The following ARHGAP32 variants were observed in gnomAD, a reference collection of about 807,000 sequenced individuals.
The protein encoded by ARHGAP32 is rho GTPase-activating protein 32.
ARHGAP32 carries 51 observed loss-of-function variants against 186.5 expected under a neutral mutation model. The observed-to-expected ratio is 0.27, with a 90% CI of 0.22 to 0.35. The LOEUF (loss-of-function observed/expected upper bound fraction) is 0.35, where lower values mean the gene tolerates loss of function less well. Ranked by LOEUF, ARHGAP32 falls within the 10% of genes least tolerant of loss-of-function variation. The probability of loss-of-function intolerance (pLI) is 1.00; values close to 1 mark genes in which losing one functional copy is unlikely to be tolerated. For synonymous variants in ARHGAP32, 950 were observed against 964.3 expected, an observed-to-expected ratio of 0.99 and a Z score of 0.27; for missense variants, 2,186 against 2,623.5, an observed-to-expected ratio of 0.83 and a Z score of 3.64.
chr11:129,001,492 C>T (rs1011413995), intron 11 of ARHGAP32, among the ~76,000 whole-genome samples: 2 of 152,124 alleles, frequency 1.3e-5, no homozygotes, highest in African/African-American at 2.4e-5. Flanking sequence ...GTATGAGCTA[C>T]TTATATATTC....
chr11:129,272,863 T>C (rs192967179), intron 1 of ARHGAP32, among the ~76,000 whole-genome samples: 32 of 152,356 alleles, frequency 2.1e-4, no homozygotes, highest in African/African-American at 7.5e-4. Flanking sequence ...GGGTTATCCG[T>C]TGATTGCATT....
chr11:129,050,825 T>G (rs561857788), intron 10 of ARHGAP32, among the ~76,000 whole-genome samples: 1 of 152,186 alleles, frequency 6.6e-6, no homozygotes, highest in Non-Finnish European at 1.5e-5. Flanking sequence ...CCATGTGTGA[T>G]GCTCCCATCC....
At chr11:129,062,750 G>A (rs1026723848) in intron 9 of ARHGAP32, among the ~76,000 whole-genome samples, 12 of 152,114 alleles carry the variant, frequency 7.9e-5, no homozygotes, top group Non-Finnish European at 1.8e-4. Flanking sequence ...TTTAGAAACA[G>A]TAACAGATTC....
intron 1 of ARHGAP32, among the ~76,000 whole-genome samples, chr11:129,253,032 A>C (rs940858515): frequency 2.0e-5 from 3 of 152,166 alleles, no homozygotes; most frequent in Non-Finnish European, 2.9e-5. Context: ...TGGAGAGAGA[A>C]TATCTTTCAC....
At chr11:129,207,900 A>G (rs1034614061) in intron 1 of ARHGAP32, among the ~76,000 whole-genome samples, 2 of 152,194 alleles carry the variant, frequency 1.3e-5, no homozygotes, top group African/African-American at 4.8e-5. Flanking sequence ...TGGCACATTT[A>G]GAGGTTTTGA....
intron 11 of ARHGAP32, chr11:129,024,239 A>C (rs1938733350): frequency 7.6e-6 from 7 of 926,620 alleles, no homozygotes; most frequent in Non-Finnish European, 9.0e-6. Flanking sequence ...CTTGCAGAAC[A>C]GGCTTCACCA....
chr11:129,144,918 G>A (rs1943137475), intron 2 of ARHGAP32, among the ~76,000 whole-genome samples: 1 of 152,130 alleles, frequency 6.6e-6, no homozygotes, highest in Admixed American at 6.5e-5. Flanking sequence ...AAAACTATTA[G>A]AAAGCACCAT....
At position 128,984,795 on chromosome 11, in the gene ARHGAP32, AATAGTGTGCAGAAG is replaced by A. The variant is rs201121730; in HGVS notation, c.1526+1194_1526+1207del. Among the ~76,000 whole-genome samples the A allele has an allele frequency of 4.8e-3, 732 of 152,292 alleles. 6 individuals are homozygous for A. The East Asian group carries it at 0.054, about 11-fold the overall frequency. ...ATAAGTATCTATAGTCAAGCTATAA[AATAGTGTGCAGAAG>A]ATATAAAACATATATGCAGTGTATA... On this transcript the variant is annotated intron_variant, in intron 15 of 22. Transcript: ENST00000682385.
chr11:129,193,569 AATAT>A (rs1167668157), upstream of ARHGAP32, among the ~76,000 whole-genome samples: 9 of 12,964 alleles, frequency 6.9e-4, 1 homozygote, highest in East Asian at 6.9e-3. Context: ...TATTATATAT[AATAT>A]ATATATATTA....
upstream of ARHGAP32, among the ~76,000 whole-genome samples, chr11:129,196,885 C>T (rs184968342): frequency 2.0e-3 from 300 of 152,010 alleles, 2 homozygotes; most frequent in Non-Finnish European, 1.6e-3. Context: ...GGTGAAAACC[C>T]GTCTCTACTA....
chr11:128,988,186 A>G (rs1945933918), intron 12 of ARHGAP32, 61 bp from the exon 13 acceptor site: 6 of 1,232,932 alleles, frequency 4.9e-6, no homozygotes, highest in Non-Finnish European at 5.8e-6. Context: ...CAAAGTTGCC[A>G]AAAAATAAGA....
Position 128,974,996 on chromosome 11 carries a change from G to T in ARHGAP32, c.2201C>A (p.Ser734Tyr). The change falls in exon 21 of 23, where the codon TCT becomes TAT. Residue 734 changes from serine to tyrosine, a missense_variant. Ser to Tyr is a moderately radical substitution (Grantham distance 144, BLOSUM62 -2). Transcript: ENST00000682385. ...GGGTCTTCTGGGTCGGAAGAGCTTAGAATCACCTGGAAAAAATGAATAACA... is the reference window on the plus strand; with the variant it reads ...GGGTCTTCTGGGTCGGAAGAGCTTATAATCACCTGGAAAAAATGAATAACA... ...LTSLHAVDGD[S>Y]KLFRPRRPRS... 1 of 1,597,046 alleles carries T rather than the reference G, an allele frequency of 6.3e-7. No homozygotes were observed. Among genetic ancestry groups the T allele is most frequent in the Non-Finnish European group, 8.5e-7 (1 of 1,173,006 alleles).
chr11:129,137,203 A>T lies in ARHGAP32; in HGVS notation c.226-12309T>A, dbSNP rs541455492. Among the ~76,000 whole-genome samples the T allele has an allele frequency of 1.5e-4, 23 of 151,892 alleles. No individual in the cohort carries two copies. In the South Asian group the frequency reaches 4.0e-3, roughly 26 times the overall value. ...CTAACTAAAAGACTGTAAATATAAA[A>T]ATATATATATGTGTTTTCTTACACT... On this transcript the variant is annotated intron_variant, in intron 2 of 22. Coordinates refer to ENST00000682385, the MANE Select transcript of ARHGAP32 (RefSeq NM_001378024.1).
intron 6 of ARHGAP32, among the ~76,000 whole-genome samples, chr11:129,074,545 G>A (rs556670473): frequency 2.8e-4 from 42 of 152,138 alleles, no homozygotes; most frequent in Non-Finnish European, 5.3e-4. Flanking sequence ...CCAGGCTGGC[G>A]TGCAGTGGTC....
At chr11:129,239,992 A>C (rs1331470698) in intron 1 of ARHGAP32, among the ~76,000 whole-genome samples, 1 of 152,096 alleles carries the variant, frequency 6.6e-6, no homozygotes, top group Non-Finnish European at 1.5e-5. Flanking sequence ...CTACACAGCA[A>C]CTGCACAGTT....
chr11:129,015,175 A>G (rs952795064), intron 11 of ARHGAP32, among the ~76,000 whole-genome samples: 1 of 152,164 alleles, frequency 6.6e-6, no homozygotes, highest in African/African-American at 2.4e-5. Flanking sequence ...TAACCTGACT[A>G]CTATTTAAAA....
At chr11:129,169,626 T>C (rs573606644) in intron 1 of ARHGAP32, among the ~76,000 whole-genome samples, 13 of 107,470 alleles carry the variant, frequency 1.2e-4, no homozygotes, top group African/African-American at 4.0e-4. Context: ...AGTGAGACTC[T>C]GTCTCAAAAA....
At chr11:129,205,468 T>A (rs191701386) in intron 1 of ARHGAP32, among the ~76,000 whole-genome samples, 2 of 152,260 alleles carry the variant, frequency 1.3e-5, no homozygotes, top group African/African-American at 4.8e-5. Context: ...TTAGAAATAA[T>A]GCTGGATTTT....
rs533040533 is a variant in ARHGAP32, at chr11:129,071,970, C to T, written c.532-5102G>A. 6.6e-5 allele frequency among the ~76,000 whole-genome samples: 10 copies of T among 152,260 alleles called. No homozygotes were observed. In the South Asian group the frequency reaches 2.1e-3, roughly 32 times the overall value. On this transcript the variant is annotated intron_variant, in intron 6 of 22. Coordinates refer to ENST00000682385, the MANE Select transcript of ARHGAP32 (RefSeq NM_001378024.1). ...AATAAGCCTGGCAAAAAAAGACAAA[C>T]ATCACATGGTCTCACATGTAGAATC...
Sources: gnomAD v4.1 joint callset for allele counts (sites outside exome capture counted in the v4.1 genomes callset) on GRCh38, gnomAD v4.1.1 for gene constraint, MANE v1.5 for transcripts, NCBI Gene and HGNC (gene_info 2026-07-23, HGNC 2026-07-21) for gene names.